Variants in TMTC1 observed in about 807,000 individuals in gnomAD.
TMTC1 encodes transmembrane O-mannosyltransferase targeting cadherins 1.
A neutral mutation model predicts 104.8 loss-of-function variants in TMTC1; 73 were observed. The observed-to-expected ratio is 0.70, with a 90% CI of 0.58 to 0.85. The LOEUF (loss-of-function observed/expected upper bound fraction) is 0.85. Among genes scored for constraint, TMTC1 ranks in the 40% least tolerant of loss-of-function variants. The pLI, the probability that TMTC1 is intolerant of heterozygous loss-of-function variation, is 0.00. For synonymous variants in TMTC1, 434 were observed against 428.7 expected (o/e 1.01, Z -0.15); for missense variants, 1,035 against 1,096.1 (o/e 0.94, Z 0.79).
In TMTC1 at chr12:29,783,578, C is replaced by G. The variant is rs1025987742; in HGVS notation, c.174G>C (p.Val58=). Reference sequence around the variant, plus strand: ...CGCCGGGCCGCACGTCGGGGTTGTTCACGATCGCCCACACGTCGTCGTGCA... The same window carrying G: ...CGCCGGGCCGCACGTCGGGGTTGTTGACGATCGCCCACACGTCGTCGTGCA... ...EFVHDDVWAI[V]NNPDVRPGAP... The change falls in exon 1 of 18, where the codon GTG becomes GTC. Residue 58 remains valine (V), a synonymous_variant. Coordinates refer to ENST00000539277, the MANE Select transcript of TMTC1 (RefSeq NM_001193451.2). This position sits in a 1 kb window ranked among gnomAD's most constrained non-coding sequence, Gnocchi z 4.7. 1.7e-5 allele frequency: 25 copies of G among 1,483,248 alleles called. No individual in the cohort carries two copies. The Admixed American group carries it at 3.3e-4, about 20-fold the overall frequency. 91.9% of individuals were successfully genotyped at this position (1,483,248 alleles called of 1,614,324 possible).
chr12:29,718,215 C>A (rs747007628), intron 5 of TMTC1, among the ~76,000 whole-genome samples: 5 of 152,126 alleles, frequency 3.3e-5, no homozygotes, highest in Non-Finnish European at 5.9e-5. Context: ...CAGAAGGGAA[C>A]CAATACTTTG....
chr12:29,671,998 T>C (rs1940535773), intron 5 of TMTC1, among the ~76,000 whole-genome samples: 1 of 152,140 alleles, frequency 6.6e-6, no homozygotes, highest in African/African-American at 2.4e-5. Context: ...GGCAGCCCTC[T>C]CCTCCTGTAT....
At chr12:29,641,694 C>G (rs1468543898) in intron 5 of TMTC1, among the ~76,000 whole-genome samples, 3 of 152,038 alleles carry the variant, frequency 2.0e-5, no homozygotes, top group Admixed American at 6.6e-5. Context: ...TTCAATACCC[C>G]CCCAAAAAAA....
intron 7 of TMTC1, among the ~76,000 whole-genome samples, chr12:29,595,956 T>A (rs548393260): frequency 6.6e-6 from 1 of 152,256 alleles, no homozygotes; most frequent in South Asian, 2.1e-4. Flanking sequence ...AATCCTTCAC[T>A]GAGATTTAAA....
chr12:29,623,340 A>G (rs1003300053), intron 6 of TMTC1, among the ~76,000 whole-genome samples: 38 of 152,242 alleles, frequency 2.5e-4, no homozygotes, highest in African/African-American at 9.2e-4. Flanking sequence ...TGAAATGTTA[A>G]TAAAATGCAA....
At chr12:29,612,218 A>G (rs1946863527) in intron 6 of TMTC1, among the ~76,000 whole-genome samples, 1 of 152,168 alleles carries the variant, frequency 6.6e-6, no homozygotes, top group African/African-American at 2.4e-5. Context: ...GAGGTGGCCA[A>G]ATGAGACACT....
At chr12:29,566,854 T>C (rs917381171) in intron 9 of TMTC1, among the ~76,000 whole-genome samples, 2 of 152,366 alleles carry the variant, frequency 1.3e-5, no homozygotes, top group East Asian at 1.9e-4. Flanking sequence ...AAACCTGCCA[T>C]ATTTACTTAT....
chr12:29,660,834 A>G, intron 5 of TMTC1: 2 of 1,496,888 alleles, frequency 1.3e-6, no homozygotes, highest in Non-Finnish European at 1.8e-6. Flanking sequence ...CCCTTTTTAA[A>G]AATGGTCTCA....
intron 8 of TMTC1, among the ~76,000 whole-genome samples, chr12:29,580,127 G>A (rs1173538019): frequency 6.6e-6 from 1 of 151,974 alleles, no homozygotes; most frequent in Non-Finnish European, 1.5e-5. Flanking sequence ...GACCAGCCTG[G>A]GCAACACAGT....
intron 6 of TMTC1, among the ~76,000 whole-genome samples, chr12:29,611,802 G>T (rs568968989): frequency 2.0e-4 from 31 of 152,168 alleles, no homozygotes; most frequent in Non-Finnish European, 5.9e-5. Flanking sequence ...CACACAGATG[G>T]GGCAGGGGGC....
intron 6 of TMTC1, among the ~76,000 whole-genome samples, chr12:29,629,649 G>T (rs920421586): frequency 1.2e-4 from 18 of 152,174 alleles, no homozygotes; most frequent in African/African-American, 4.1e-4. Context: ...CACATTAAAG[G>T]TTATCAGGGG....
intron 5 of TMTC1, among the ~76,000 whole-genome samples, chr12:29,653,995 A>G (rs1381802670): frequency 6.6e-6 from 1 of 152,246 alleles, no homozygotes; most frequent in East Asian, 1.9e-4. Flanking sequence ...TGTGAGAAAA[A>G]GATACTTGAC....
chr12:29,627,710 C>T (rs934229551), intron 6 of TMTC1, among the ~76,000 whole-genome samples: 2 of 143,066 alleles, frequency 1.4e-5, no homozygotes, highest in African/African-American at 2.6e-5. Flanking sequence ...AAAAAACCAT[C>T]GAAAGTAGGA....
intron 5 of TMTC1, among the ~76,000 whole-genome samples, chr12:29,683,989 G>A (rs973998693): frequency 3.9e-5 from 6 of 152,048 alleles, no homozygotes; most frequent in Non-Finnish European, 8.8e-5. Context: ...GACTATAGGC[G>A]TGTGCCACCA....
chr12:29,781,771 C>G (rs1943841031), intron 1 of TMTC1, among the ~76,000 whole-genome samples: 1 of 152,154 alleles, frequency 6.6e-6, no homozygotes, highest in Non-Finnish European at 1.5e-5. Flanking sequence ...TTTCAGGCTA[C>G]AGTGAGCAAT....
chr12:29,595,156 C>G lies in TMTC1; in HGVS notation c.1250+9022G>C, dbSNP rs114357803. 9.0e-3 allele frequency among the ~76,000 whole-genome samples: 1,366 copies of G among 152,288 alleles called. 18 individuals carry two copies. The highest frequency in any genetic ancestry group is 0.031 in the African/African-American group (1,294 of 41,550). On this transcript the variant is annotated intron_variant, in intron 7 of 17. Transcript: ENST00000539277. ...CAAATCCTGATTTCCAAGACATCTGCTATTCACCATTTAGAGCTTAACAGA... is the reference window on the plus strand; with the variant it reads ...CAAATCCTGATTTCCAAGACATCTGGTATTCACCATTTAGAGCTTAACAGA...
intron 3 of TMTC1, among the ~76,000 whole-genome samples, chr12:29,756,753 A>C (rs1446291756): frequency 1.3e-5 from 2 of 152,200 alleles, no homozygotes; most frequent in African/African-American, 4.8e-5. Flanking sequence ...AGTAAAGGCC[A>C]ATGTTTCTGT....
At chr12:29,720,220 A>C (rs1473949629) in intron 5 of TMTC1, among the ~76,000 whole-genome samples, 1 of 152,156 alleles carries the variant, frequency 6.6e-6, no homozygotes, top group African/African-American at 2.4e-5. Flanking sequence ...TCACAACACT[A>C]AATCCATACT....
chr12:29,590,277 G>A (rs150539490), intron 7 of TMTC1, among the ~76,000 whole-genome samples: 7 of 151,922 alleles, frequency 4.6e-5, no homozygotes, highest in African/African-American at 9.7e-5. Context: ...ATCCTATTCC[G>A]CTCTTTGAGC....
Sources: allele counts gnomAD v4.1 joint callset (sites outside exome capture counted in the v4.1 genomes callset), GRCh38; gene constraint gnomAD v4.1.1; non-coding constraint Gnocchi (gnomAD v3.1); transcripts MANE v1.5; gene names NCBI Gene and HGNC (gene_info 2026-07-23, HGNC 2026-07-21).